SPTLC3: variants seen among roughly 807,000 people sequenced by gnomAD.
The protein encoded by SPTLC3 is serine palmitoyltransferase 3.
SPTLC3 carries 36 observed loss-of-function variants against 59.3 expected under a neutral mutation model. The observed-to-expected ratio is 0.61, with a 90% CI of 0.47 to 0.80. SPTLC3 has a LOEUF of 0.80. Ranked by LOEUF, SPTLC3 falls within the 30% of genes least tolerant of loss-of-function variation. The probability of loss-of-function intolerance (pLI) is 0.00; values close to 1 mark genes in which losing one functional copy is unlikely to be tolerated. For synonymous variants in SPTLC3, 257 were observed against 240.8 expected (o/e 1.07, Z -0.62); for missense variants, 625 against 685.1 (o/e 0.91, Z 0.98).
chr20:13,163,367 C>CAAAAAAAAAA, intron 11 of SPTLC3, among the ~76,000 whole-genome samples: 1 of 90,084 alleles, frequency 1.1e-5, no homozygotes, highest in Non-Finnish European at 2.2e-5. Flanking sequence ...GACGCTGTCT[C>CAAAAAAAAAA]AAAAAAAAAA....
Position 13,132,391 on chromosome 20 carries a change from G to A in SPTLC3, c.1279+5674G>A, listed in dbSNP as rs188762550. On this transcript the variant is annotated intron_variant, in intron 9 of 11. Coordinates refer to ENST00000399002, the MANE Select transcript of SPTLC3 (RefSeq NM_018327.4). ...AGGGTTTCACCATGTTGGCCGGGCT[G>A]ATCTTGAGCTCCCGACCTCAAGTAG... Among the ~76,000 whole-genome samples, 62 of 152,060 alleles carry A rather than the reference G, an allele frequency of 4.1e-4. 1 individual carries two copies. The East Asian group carries it at 9.9e-3, about 24-fold the overall frequency.
chr20:13,094,564 A>G (rs749418976), intron 6 of SPTLC3, among the ~76,000 whole-genome samples: 4 of 152,174 alleles, frequency 2.6e-5, no homozygotes, highest in East Asian at 3.8e-4. Flanking sequence ...TGAAGTGACA[A>G]GAAGAAGGCT....
At chr20:13,127,806 T>C (rs78052443) in intron 9 of SPTLC3, among the ~76,000 whole-genome samples, 2,837 of 152,308 alleles carry the variant, frequency 0.019, 53 homozygotes, top group South Asian at 0.03. Flanking sequence ...TGAAATGCGG[T>C]GATTGGCTGA....
intron 1 of SPTLC3, among the ~76,000 whole-genome samples, chr20:13,034,153 A>G (rs1040380446): frequency 2.0e-5 from 3 of 152,294 alleles, no homozygotes; most frequent in Middle Eastern, 3.4e-3. Flanking sequence ...CAATTCCCAA[A>G]GAGTTTTTCT....
At chr20:13,017,135 G>A (rs1985569064) in intron 1 of SPTLC3, among the ~76,000 whole-genome samples, 2 of 152,178 alleles carry the variant, frequency 1.3e-5, no homozygotes, top group African/African-American at 2.4e-5. Flanking sequence ...GCCTTAAAGG[G>A]CAGAGTCAGT....
chr20:13,140,490 T>C (rs138512577), intron 9 of SPTLC3, among the ~76,000 whole-genome samples: 1 of 152,200 alleles, frequency 6.6e-6, no homozygotes, highest in African/African-American at 2.4e-5. Context: ...AACTAGAGAC[T>C]TCCTATCAGG....
At chr20:13,077,553 A>G (rs1988690554) in intron 4 of SPTLC3, among the ~76,000 whole-genome samples, 1 of 152,080 alleles carries the variant, frequency 6.6e-6, no homozygotes. Flanking sequence ...CTGTGAATAA[A>G]GCTAAAAATT....
At chr20:13,120,359 TA>T (rs1600317884) in intron 8 of SPTLC3, among the ~76,000 whole-genome samples, 2 of 152,080 alleles carry the variant, frequency 1.3e-5, no homozygotes, top group African/African-American at 4.8e-5. Flanking sequence ...AAATTGAACA[TA>T]AAAAAAGTTA....
chr20:13,152,164 A>G (rs56744448), intron 9 of SPTLC3, among the ~76,000 whole-genome samples: 38,019 of 152,004 alleles, frequency 0.25, 5,060 homozygotes, highest in South Asian at 0.44. Flanking sequence ...CCACCTACCA[A>G]CTATGTAAAT....
At chr20:13,106,183 T>G (rs1989886504) in intron 6 of SPTLC3, among the ~76,000 whole-genome samples, 1 of 152,202 alleles carries the variant, frequency 6.6e-6, no homozygotes, top group Non-Finnish European at 1.5e-5. Context: ...TTCTAATAAT[T>G]CTTATTTCTA....
intron 2 of SPTLC3, among the ~76,000 whole-genome samples, chr20:13,062,516 C>T (rs1166867747): frequency 1.3e-5 from 2 of 152,138 alleles, no homozygotes; most frequent in African/African-American, 4.8e-5. Context: ...TGCACAAAGC[C>T]AGTATGTGAA....
intron 2 of SPTLC3, among the ~76,000 whole-genome samples, chr20:13,053,170 C>G (rs543692933): frequency 6.6e-6 from 1 of 152,134 alleles, no homozygotes; most frequent in Non-Finnish European, 1.5e-5. Flanking sequence ...GTGGGTGGCC[C>G]TCTGGGATGA....
At chr20:13,082,349 G>C (rs1988867662) in intron 4 of SPTLC3, among the ~76,000 whole-genome samples, 1 of 152,166 alleles carries the variant, frequency 6.6e-6, no homozygotes, top group African/African-American at 2.4e-5. Context: ...AGAGCCATTT[G>C]TACTGCCCTA....
chr20:13,122,295 T>C (rs1389928795), intron 8 of SPTLC3, among the ~76,000 whole-genome samples: 1 of 152,224 alleles, frequency 6.6e-6, no homozygotes, highest in African/African-American at 2.4e-5. Context: ...TGGAGACCAA[T>C]GTGACTCAAT....
chr20:13,039,308 A>C (rs1986873067), intron 1 of SPTLC3, among the ~76,000 whole-genome samples: 1 of 152,060 alleles, frequency 6.6e-6, no homozygotes, highest in South Asian at 2.1e-4. Context: ...TGGTAGATGC[A>C]TACATGTTTA....
intron 3 of SPTLC3, 105 bp downstream of exon 3, chr20:13,072,515 T>G: frequency 1.5e-6 from 2 of 1,298,092 alleles, no homozygotes; most frequent in Non-Finnish European, 2.1e-6. Context: ...ATGGAAGCCA[T>G]TGGTTTTGTA....
At chr20:13,046,476 T>G (rs1224746839) in intron 1 of SPTLC3, among the ~76,000 whole-genome samples, 1 of 152,190 alleles carries the variant, frequency 6.6e-6, no homozygotes, top group East Asian at 1.9e-4. Context: ...TCATATCTAA[T>G]CAGTAGAAGT....
chr20:13,134,587 A>C (rs991227081), intron 9 of SPTLC3, among the ~76,000 whole-genome samples: 19 of 152,214 alleles, frequency 1.2e-4, no homozygotes, highest in Admixed American at 1.2e-3. Flanking sequence ...TTAGAACTGC[A>C]ACAAAGCATT....
intron 1 of SPTLC3, 77 bp from the exon 2 acceptor site, chr20:13,048,868 A>T: frequency 7.6e-7 from 1 of 1,308,198 alleles, no homozygotes; most frequent in Non-Finnish European, 1.0e-6. Flanking sequence ...CAAAGGGTTG[A>T]AAGTTCACAA....
Sources: gnomAD v4.1 joint callset for allele counts (sites outside exome capture counted in the v4.1 genomes callset) on GRCh38, gnomAD v4.1.1 for gene constraint, MANE v1.5 for transcripts, NCBI Gene and HGNC (gene_info 2026-07-23, HGNC 2026-07-21) for gene names.